PLCL1: variants seen among roughly 807,000 people sequenced by gnomAD.
PLCL1 encodes inactive phospholipase C-like protein 1.
In PLCL1, 41 loss-of-function variants were observed where a neutral mutation model predicts 84.4. The ratio of observed to expected loss-of-function variants is 0.49; its 90% CI spans 0.38 to 0.63. The LOEUF (loss-of-function observed/expected upper bound fraction) is 0.63, where lower values mean the gene tolerates loss of function less well. Ranked by LOEUF, PLCL1 falls within the 30% of genes least tolerant of loss-of-function variation. The pLI is 0.00. For missense variants in PLCL1, 1,206 were observed against 1,367.8 expected (o/e 0.88, Z 1.87); for synonymous variants, 490 against 488.3 (o/e 1.00, Z -0.05).
chr2:198,126,991 A>AGTGTGTGTGTGT (rs368958990), intron 5 of PLCL1, among the ~76,000 whole-genome samples: 3 of 129,154 alleles, frequency 2.3e-5, no homozygotes, highest in African/African-American at 9.3e-5. Context: ...TGAGTGTGTG[A>AGTGTGTGTGTGT]GTGTGTGTGT....
intron 1 of PLCL1, among the ~76,000 whole-genome samples, chr2:198,054,011 T>A (rs2105871131): frequency 6.6e-6 from 1 of 152,234 alleles, no homozygotes; most frequent in African/African-American, 2.4e-5. Context: ...AGGAAAGAGA[T>A]CAGGGGTAGC....
At chr2:197,991,757 C>G (rs1690350461) in intron 1 of PLCL1, among the ~76,000 whole-genome samples, 1 of 152,144 alleles carries the variant, frequency 6.6e-6, no homozygotes, top group African/African-American at 2.4e-5. Flanking sequence ...CTGAGAAGCC[C>G]TTCTCTTTCC....
At chr2:198,012,588 C>A (rs1188495238) in intron 1 of PLCL1, among the ~76,000 whole-genome samples, 3 of 151,774 alleles carry the variant, frequency 2.0e-5, no homozygotes, top group Non-Finnish European at 4.4e-5. Flanking sequence ...GAAGGACTTA[C>A]TATTGCTATT....
intron 1 of PLCL1, among the ~76,000 whole-genome samples, chr2:198,056,308 C>T (rs1293663063): frequency 6.6e-6 from 1 of 151,996 alleles, no homozygotes; most frequent in Non-Finnish European, 1.5e-5. Context: ...TCAAGTTGTT[C>T]CCCTCCCCCC....
chr2:197,979,376 A>C (rs944080261), intron 1 of PLCL1, among the ~76,000 whole-genome samples: 6 of 152,214 alleles, frequency 3.9e-5, no homozygotes, highest in Non-Finnish European at 1.5e-5. Context: ...TGAGGTACCC[A>C]GTTGTTGCTA....
intron 1 of PLCL1, among the ~76,000 whole-genome samples, chr2:197,827,239 C>G (rs958133134): frequency 7.9e-5 from 12 of 152,162 alleles, no homozygotes; most frequent in African/African-American, 2.9e-4. Flanking sequence ...TGTGCAAATC[C>G]CTTTACGTGG....
At chr2:197,901,553 CA>C (rs1157477716) in intron 1 of PLCL1, among the ~76,000 whole-genome samples, 2 of 152,072 alleles carry the variant, frequency 1.3e-5, no homozygotes, top group Admixed American at 1.3e-4. Flanking sequence ...GTTCAGGCAA[CA>C]GCAATGTTCC....
chr2:197,933,430 A>AT (rs1242188496), intron 1 of PLCL1, among the ~76,000 whole-genome samples: 1 of 151,738 alleles, frequency 6.6e-6, no homozygotes, highest in Non-Finnish European at 1.5e-5. Context: ...CGCCCAGCTA[A>AT]TTTTTTGTAT....
At chr2:197,886,712 T>C (rs1434571361) in intron 1 of PLCL1, among the ~76,000 whole-genome samples, 1 of 152,184 alleles carries the variant, frequency 6.6e-6, no homozygotes, top group African/African-American at 2.4e-5. Flanking sequence ...GGCTATTTGA[T>C]GAAGTTTGAA....
intron 1 of PLCL1, among the ~76,000 whole-genome samples, chr2:197,826,616 C>A (rs544509803): frequency 6.6e-6 from 1 of 151,984 alleles, no homozygotes; most frequent in Admixed American, 6.6e-5. Flanking sequence ...TTTTAATGAC[C>A]GATTCGTTCA....
At chr2:197,998,252 G>T (rs1045827431) in intron 1 of PLCL1, among the ~76,000 whole-genome samples, 1 of 151,696 alleles carries the variant, frequency 6.6e-6, no homozygotes, top group Non-Finnish European at 1.5e-5. Flanking sequence ...GTGCATGTGT[G>T]TATGTGTATG....
intron 1 of PLCL1, among the ~76,000 whole-genome samples, chr2:198,045,915 G>T (rs771839099): frequency 2.0e-5 from 3 of 152,190 alleles, no homozygotes; most frequent in Admixed American, 2.0e-4. Context: ...ATTTGACAGA[G>T]ATCTTCATTG....
chr2:198,100,771 G>A (rs2880366), intron 3 of PLCL1, among the ~76,000 whole-genome samples: 90,840 of 151,622 alleles, frequency 0.6, 27,846 homozygotes, highest in East Asian at 0.8. Context: ...GAGAGAATTC[G>A]GAGAAGATAG....
chr2:198,078,075 T>C (rs1692623263), intron 1 of PLCL1, among the ~76,000 whole-genome samples: 1 of 152,160 alleles, frequency 6.6e-6, no homozygotes, highest in Admixed American at 6.5e-5. Flanking sequence ...ACTATCTCTT[T>C]ATTGTAATGC....
chr2:197,837,489 G>A (rs908558907), intron 1 of PLCL1, among the ~76,000 whole-genome samples: 28 of 152,232 alleles, frequency 1.8e-4, no homozygotes, highest in African/African-American at 5.8e-4. Flanking sequence ...TTAGAATTGC[G>A]CCTCAAGATC....
intron 1 of PLCL1, among the ~76,000 whole-genome samples, chr2:197,867,360 C>T (rs1687568800): frequency 6.6e-6 from 1 of 151,546 alleles, no homozygotes; most frequent in Non-Finnish European, 1.5e-5. Flanking sequence ...TCTGTTATAG[C>T]AGTTACTTCT....
intron 1 of PLCL1, among the ~76,000 whole-genome samples, chr2:197,895,009 A>G (rs1252012339): frequency 6.6e-6 from 1 of 152,004 alleles, no homozygotes; most frequent in African/African-American, 2.4e-5. Flanking sequence ...CTGTTTATCT[A>G]TTTCCCTTGA....
At chr2:198,124,466 C>T (rs1264802506) in intron 5 of PLCL1, among the ~76,000 whole-genome samples, 3 of 151,958 alleles carry the variant, frequency 2.0e-5, no homozygotes, top group Non-Finnish European at 4.4e-5. Flanking sequence ...AAAGGATAGG[C>T]TAATTTTTGG....
intron 1 of PLCL1, among the ~76,000 whole-genome samples, chr2:197,828,510 A>T (rs1690981581): frequency 6.6e-6 from 1 of 152,108 alleles, no homozygotes; most frequent in Admixed American, 6.6e-5. Flanking sequence ...TGCTTGGATT[A>T]TTATAATTTA....
Sources: gnomAD v4.1 joint callset for allele counts (sites outside exome capture counted in the v4.1 genomes callset) on GRCh38, gnomAD v4.1.1 for gene constraint, MANE v1.5 for transcripts, NCBI Gene and HGNC (gene_info 2026-07-23, HGNC 2026-07-21) for gene names.